The following HPSE2 variants were observed in gnomAD, a reference collection of about 807,000 sequenced individuals.
HPSE2 encodes the protein heparanase 2 (inactive), also known as inactive heparanase-2.
Under a neutral mutation model 60.5 loss-of-function variants are expected in HPSE2, and 38 were observed. The observed-to-expected ratio is 0.63, with a 90% CI of 0.48 to 0.82. The LOEUF (loss-of-function observed/expected upper bound fraction) is 0.82. Ranked by LOEUF, HPSE2 falls within the 40% of genes least tolerant of loss-of-function variation. HPSE2 has a pLI of 0.00. For missense variants in HPSE2, 713 were observed against 740.4 expected (o/e 0.96, Z 0.43); for synonymous variants, 295 against 293.2 (o/e 1.01, Z -0.06).
intron 5 of HPSE2, among the ~76,000 whole-genome samples, chr10:98,699,079 C>T (rs1948324485): frequency 2.0e-5 from 3 of 152,072 alleles, no homozygotes; most frequent in South Asian, 4.2e-4. Context: ...GGAACTGGTA[C>T]CATTCCTTCT....
At chr10:98,829,121 G>A (rs1417994561) in intron 3 of HPSE2, among the ~76,000 whole-genome samples, 1 of 152,182 alleles carries the variant, frequency 6.6e-6, no homozygotes, top group East Asian at 1.9e-4. Flanking sequence ...ATTCATATGA[G>A]GTACTTAGAA....
Position 98,948,697 on chromosome 10 carries a change from C to G in HPSE2, c.610+195541G>C, listed in dbSNP as rs1398317451. 3.3e-5 allele frequency among the ~76,000 whole-genome samples: 5 copies of G among 152,176 alleles called. No individual in the cohort carries two copies. The East Asian group carries it at 9.7e-4, about 29-fold the overall frequency. Reference sequence around the variant, plus strand: ...AGTTACAAGACGTGTGCCTGCCTTTCCTGCCACACCTTCTACCTCATCTAC... The same window carrying G: ...AGTTACAAGACGTGTGCCTGCCTTTGCTGCCACACCTTCTACCTCATCTAC... On this transcript the variant is annotated intron_variant, in intron 3 of 11. Coordinates refer to ENST00000370552, the MANE Select transcript of HPSE2 (RefSeq NM_021828.5).
At chr10:98,540,809 G>A (rs1264994944) in intron 9 of HPSE2, among the ~76,000 whole-genome samples, 2 of 152,128 alleles carry the variant, frequency 1.3e-5, no homozygotes, top group African/African-American at 4.8e-5. Flanking sequence ...AATTTGAAGT[G>A]CAGAGCCATT....
At chr10:98,472,013 T>C (rs911369609) in intron 11 of HPSE2, among the ~76,000 whole-genome samples, 2 of 152,080 alleles carry the variant, frequency 1.3e-5, no homozygotes, top group East Asian at 1.9e-4. Flanking sequence ...GTAGCTAACA[T>C]TGGTTATAGC....
chr10:99,070,387 A>G (rs1471775613), intron 3 of HPSE2, among the ~76,000 whole-genome samples: 1 of 152,242 alleles, frequency 6.6e-6, no homozygotes, highest in Non-Finnish European at 1.5e-5. Flanking sequence ...ATTCATTAGT[A>G]AAATGCAAAT....
chr10:98,947,397 T>C (rs1490590674), intron 3 of HPSE2, among the ~76,000 whole-genome samples: 1 of 152,168 alleles, frequency 6.6e-6, no homozygotes. Flanking sequence ...TATCTAAAGC[T>C]GGAGAATTTA....
intron 3 of HPSE2, among the ~76,000 whole-genome samples, chr10:98,944,860 A>G (rs1271944256): frequency 6.6e-6 from 1 of 152,128 alleles, no homozygotes; most frequent in Non-Finnish European, 1.5e-5. Flanking sequence ...CACACTGCTA[A>G]CTTTGGAAAG....
intron 3 of HPSE2, among the ~76,000 whole-genome samples, chr10:99,106,147 G>T (rs535602840): frequency 6.6e-6 from 1 of 152,158 alleles, no homozygotes; most frequent in African/African-American, 2.4e-5. Context: ...CTACACAAAA[G>T]CCTACTGGGA....
intron 3 of HPSE2, among the ~76,000 whole-genome samples, chr10:98,780,890 C>T (rs72836728): frequency 0.015 from 2,293 of 152,186 alleles, 33 homozygotes; most frequent in African/African-American, 0.03. Flanking sequence ...GACAAAAGAA[C>T]ATTTCCTGGA....
the HPSE2 span, among the ~76,000 whole-genome samples, chr10:99,305,979 G>GCGCGCGCGCGCGCACACACACACACACA: frequency 7.4e-5 from 6 of 80,570 alleles, no homozygotes; most frequent in Admixed American, 1.2e-4. Context: ...GCGCGCGCGC[G>GCGCGCGCGCGCGCACACACACACACACA]CACACACACA....
chr10:99,002,914 C>T (rs1357184782), intron 3 of HPSE2, among the ~76,000 whole-genome samples: 1 of 152,030 alleles, frequency 6.6e-6, no homozygotes, highest in African/African-American at 2.4e-5. Context: ...AAAATCTACT[C>T]AATACATTGT....
rs369890755 is a variant in HPSE2 at position 98,743,129 on chromosome 10, C to T, written c.784+754G>A. Among the ~76,000 whole-genome samples, 21 of 151,916 alleles carry T rather than the reference C, an allele frequency of 1.4e-4. No individual in the cohort carries two copies. The East Asian group carries it at 2.5e-3, about 18-fold the overall frequency. ...CTGGGATTATAGGCGGCTGCCACCA[C>T]GTCTGGCTAATTTTTGTATTTTTAA... is the stretch of plus-strand genomic sequence containing the variant. On this transcript the variant is annotated intron_variant, in intron 4 of 11. Transcript: ENST00000370552.
rs538289654 is a variant in HPSE2, at chr10:99,166,859, A to G, written c.449-22460T>C. On this transcript the variant is annotated intron_variant, in intron 2 of 11. Transcript: ENST00000370552. ...GAGACTCCATCTCAAAGAAAAAAAA[A>G]AAAAAATCACTCCTAGTCTGTGGCT... 2.1e-4 allele frequency among the ~76,000 whole-genome samples: 32 copies of G among 152,176 alleles called. No individual in the cohort carries two copies. In the South Asian group the frequency reaches 6.2e-3, roughly 30 times the overall value.
intron 3 of HPSE2, among the ~76,000 whole-genome samples, chr10:98,931,834 C>G (rs147038614): frequency 6.9e-6 from 1 of 143,896 alleles, no homozygotes; most frequent in Non-Finnish European, 1.5e-5. Flanking sequence ...TGAGACTTTG[C>G]TAAAGTTGCA....
intron 3 of HPSE2, among the ~76,000 whole-genome samples, chr10:98,992,824 A>G (rs977538002): frequency 1.3e-5 from 2 of 152,216 alleles, no homozygotes; most frequent in Non-Finnish European, 2.9e-5. Context: ...CCAGAAGCAC[A>G]GGGTTTGAAG....
intron 3 of HPSE2, among the ~76,000 whole-genome samples, chr10:98,886,065 A>G (rs1953155246): frequency 6.6e-6 from 1 of 152,140 alleles, no homozygotes; most frequent in Admixed American, 6.6e-5. Flanking sequence ...ATGAAACAAA[A>G]CTAAAAATTT....
At chr10:98,595,958 TTA>T (rs1364938080) in intron 9 of HPSE2, among the ~76,000 whole-genome samples, 5 of 152,228 alleles carry the variant, frequency 3.3e-5, no homozygotes, top group Non-Finnish European at 1.5e-5. Flanking sequence ...ATTGAAATGA[TTA>T]TATGTTTTTT....
Position 98,909,228 on chromosome 10 carries a change from T to A in HPSE2, c.611-165172A>T, listed in dbSNP as rs79124339. On this transcript the variant is annotated intron_variant, in intron 3 of 11. Coordinates refer to ENST00000370552, the MANE Select transcript of HPSE2 (RefSeq NM_021828.5). The stretch of plus-strand genomic sequence containing the variant: ...TACTGACATTTCAGGGTTTGTTACC[T>A]CAGTAACTGATAAGGTAATTTCTGT... 4.7e-3 allele frequency among the ~76,000 whole-genome samples: 718 copies of A among 152,324 alleles called. 4 individuals are homozygous for A. Among genetic ancestry groups the A allele is most frequent in the African/African-American group, 0.017 (695 of 41,582 alleles).
chr10:99,084,088 G>A (rs531663055), intron 3 of HPSE2, among the ~76,000 whole-genome samples: 1 of 148,290 alleles, frequency 6.7e-6, no homozygotes, highest in African/African-American at 2.5e-5. Flanking sequence ...GAAAAGGGCT[G>A]TCATTCACAG....
Sources: allele counts gnomAD v4.1 joint callset (sites outside exome capture counted in the v4.1 genomes callset), GRCh38; gene constraint gnomAD v4.1.1; transcripts MANE v1.5; gene names NCBI Gene and HGNC (gene_info 2026-07-23, HGNC 2026-07-21).